ZNF385C: variants seen among roughly 807,000 people sequenced by gnomAD.
The protein encoded by ZNF385C is CTD-2132N18.2.
A neutral mutation model predicts 35.4 loss-of-function variants in ZNF385C; 28 were observed. The ratio of observed to expected loss-of-function variants is 0.79; its 90% CI spans 0.59 to 1.08. The LOEUF (loss-of-function observed/expected upper bound fraction) is 1.08. Among genes scored for constraint, ZNF385C ranks in the 50% least tolerant of loss-of-function variants. The pLI is 0.00. For missense variants in ZNF385C, 605 were observed against 595.6 expected, an observed-to-expected ratio of 1.02 and a Z score of -0.16; for synonymous variants, 248 against 248.2, an observed-to-expected ratio of 1.00 and a Z score of 0.01.
chr17:42,028,299 A>G (rs2052644601), intron 6 of ZNF385C, 53 bp from the exon 7 acceptor site: 2 of 1,485,930 alleles, frequency 1.3e-6, no homozygotes, highest in Non-Finnish European at 1.8e-6. Context: ...TGCAGGGGCC[A>G]CAGAGACCCC....
chr17:42,071,447 G>C (rs1327205921), intron 1 of ZNF385C, among the ~76,000 whole-genome samples: 2 of 152,052 alleles, frequency 1.3e-5, no homozygotes, highest in Admixed American at 6.5e-5. Context: ...GAGGGCCTCA[G>C]TCCCTCCTGA....
At chr17:42,053,349 A>G (rs2053318797) in intron 2 of ZNF385C, among the ~76,000 whole-genome samples, 1 of 152,006 alleles carries the variant, frequency 6.6e-6, no homozygotes, top group Non-Finnish European at 1.5e-5. Flanking sequence ...GGAGGGGAGC[A>G]TTGATTTGGA....
chr17:42,083,707 CTTTTTTTTTTTTT>C (rs59612634), intron 1 of ZNF385C, among the ~76,000 whole-genome samples: 10 of 49,968 alleles, frequency 2.0e-4, no homozygotes, highest in African/African-American at 5.1e-4. Flanking sequence ...CTTTTCAAGT[CTTTTTTTTTTTTT>C]TTTTTTTTTT....
At chr17:42,047,943 G>A (rs1335547504) in intron 2 of ZNF385C, among the ~76,000 whole-genome samples, 4 of 152,028 alleles carry the variant, frequency 2.6e-5, no homozygotes, top group South Asian at 2.1e-4. Flanking sequence ...GTGAGCCACC[G>A]TGCCTGGCCC....
intron 1 of ZNF385C, among the ~76,000 whole-genome samples, chr17:42,073,318 C>G (rs112359909): frequency 2.4e-3 from 361 of 152,158 alleles, no homozygotes; most frequent in African/African-American, 8.3e-3. Flanking sequence ...CCTGTAATCC[C>G]AGCTACTCAG....
At chr17:42,041,910 C>T (rs1567987099) in intron 2 of ZNF385C, among the ~76,000 whole-genome samples, 1 of 152,182 alleles carries the variant, frequency 6.6e-6, no homozygotes, top group African/African-American at 2.4e-5. Flanking sequence ...CCCTGCTCTC[C>T]AACTCCAGCA....
intron 1 of ZNF385C, among the ~76,000 whole-genome samples, chr17:42,087,713 G>A (rs2053823655): frequency 1.3e-5 from 2 of 152,156 alleles, no homozygotes; most frequent in Admixed American, 6.5e-5. Flanking sequence ...TTCACTTGAG[G>A]CCAGGAGCTT....
chr17:42,090,799 G>A (rs1468907514), intron 1 of ZNF385C, among the ~76,000 whole-genome samples: 1 of 151,422 alleles, frequency 6.6e-6, no homozygotes. Flanking sequence ...GGAGAATGGC[G>A]TGAACCCGGA....
chr17:42,028,321 T>A (rs1307079960), intron 6 of ZNF385C, 75 bp from the exon 7 acceptor site: 6 of 1,437,266 alleles, frequency 4.2e-6, no homozygotes, highest in Non-Finnish European at 5.6e-6. Flanking sequence ...TCCACACTCA[T>A]GCAATTTGGC....
intron 2 of ZNF385C, chr17:42,040,486 A>C: frequency 1.6e-6 from 2 of 1,232,400 alleles, no homozygotes; most frequent in East Asian, 3.2e-5. Context: ...CTGCAGGACA[A>C]GGGAGAGCTT....
At chr17:42,054,369 C>T (rs1342291007) in intron 2 of ZNF385C, among the ~76,000 whole-genome samples, 2 of 152,318 alleles carry the variant, frequency 1.3e-5, no homozygotes, top group East Asian at 3.9e-4. Flanking sequence ...ATCCTCTCCT[C>T]ACCATCCCCT....
In ZNF385C at chr17:42,026,865, T is replaced by C. The variant is rs1467208471; in HGVS notation, c.*32A>G. The C allele has an allele frequency of 6.0e-5, 93 of 1,555,322 alleles. No individual in the cohort carries two copies. The highest frequency in any genetic ancestry group is 7.6e-5 in the Non-Finnish European group (87 of 1,146,158). ...GACAGGAGGAGACAAGGAGTGGCTA[T>C]TGGGAAATCAGCTCTGGCCTCCCCA... On this transcript the variant is annotated 3_prime_UTR_variant, in exon 9 of 9. Coordinates refer to ENST00000692273, the MANE Select transcript of ZNF385C (RefSeq NM_001392013.1).
At chr17:42,082,670 T>G (rs1424315334) in intron 1 of ZNF385C, among the ~76,000 whole-genome samples, 1 of 152,244 alleles carries the variant, frequency 6.6e-6, no homozygotes, top group Admixed American at 6.5e-5. Context: ...TGGCTGTTCA[T>G]GCCTGTAATC....
At chr17:42,030,755 TG>T (rs2052707925) in intron 5 of ZNF385C, among the ~76,000 whole-genome samples, 2 of 152,164 alleles carry the variant, frequency 1.3e-5, no homozygotes, top group African/African-American at 4.8e-5. Context: ...TGGGTTCGGG[TG>T]GGATTGATCT....
chr17:42,093,932 TG>T (rs1308388685), intron 1 of ZNF385C, among the ~76,000 whole-genome samples: 3 of 151,464 alleles, frequency 2.0e-5, no homozygotes, highest in African/African-American at 7.3e-5. Flanking sequence ...CCGCCTTGCC[TG>T]GCAGTGGAGG....
In ZNF385C at chr17:42,029,048, A is replaced by T; in HGVS notation, c.702T>A (p.Pro234=). ...CTGGAGTTGGTGGTGGCTGGAGTGG[A>T]GGCCCAAGAGGAGGGGCTGCAGGAA... ...SKVPAAPPLG[P]PLQPPPTPDP... The change falls in exon 6 of 9, where the codon CCT becomes CCA. Residue 234 remains proline, a synonymous_variant. Transcript: ENST00000692273. The T allele has an allele frequency of 6.5e-7, 1 of 1,549,760 alleles. No individual in the cohort carries two copies. Among genetic ancestry groups the T allele is most frequent in the Non-Finnish European group, 8.7e-7 (1 of 1,146,740 alleles).
chr17:42,026,577 G>T lies in ZNF385C; in HGVS notation c.*320C>A, dbSNP rs1352148738. On this transcript the variant is annotated 3_prime_UTR_variant, in exon 9 of 9. Transcript: ENST00000692273. ...TGGCTTGTAGAAGCTAAGATTCCTA[G>T]AGTCTGGCCATGTGGGTCTTGGGTG... 5.0e-6 allele frequency: 2 copies of T among 400,102 alleles called. No homozygotes were observed. Among genetic ancestry groups the T allele is most frequent in the Admixed American group, 8.3e-5 (2 of 24,218 alleles). 24.8% of individuals were successfully genotyped at this position (400,102 alleles called of 1,614,324 possible).
chr17:42,054,288 G>A (rs543850853), intron 2 of ZNF385C, among the ~76,000 whole-genome samples: 1 of 152,214 alleles, frequency 6.6e-6, no homozygotes, highest in Non-Finnish European at 1.5e-5. Context: ...CTGCCTGCTG[G>A]ATGGCTCTTG....
At chr17:42,027,849 G>A in intron 7 of ZNF385C, 121 bp from the exon 8 acceptor site, 2 of 1,257,400 alleles carry the variant, frequency 1.6e-6, no homozygotes. Context: ...CACAGACTGG[G>A]TCCTCACCCT....
Sources: gnomAD v4.1 joint callset for allele counts (sites outside exome capture counted in the v4.1 genomes callset) on GRCh38, gnomAD v4.1.1 for gene constraint, MANE v1.5 for transcripts, NCBI Gene and HGNC (gene_info 2026-07-23, HGNC 2026-07-21) for gene names.